Variants in RAB7A observed in about 807,000 individuals in gnomAD.
The protein encoded by RAB7A is ras-related protein Rab-7a.
A neutral mutation model predicts 24.5 loss-of-function variants in RAB7A; 2 were observed. The observed-to-expected ratio is 0.08, with a 90% confidence interval of 0.03 to 0.26. The LOEUF is 0.26. RAB7A is among the 10% of genes least tolerant of loss of function. The pLI is 1.00. For missense variants in RAB7A, 118 were observed against 255.7 expected (o/e 0.46, Z 3.67); for synonymous variants, 100 against 95.9 (o/e 1.04, Z -0.25).
At chr3:128,761,178 C>G (rs2070773498) in intron 1 of RAB7A, among the ~76,000 whole-genome samples, 2 of 152,212 alleles carry the variant, frequency 1.3e-5, no homozygotes, top group Non-Finnish European at 2.9e-5. Context: ...AAGATAATCT[C>G]TGTACCCAGT....
chr3:128,808,930 A>T (rs1933860432), intron 5 of RAB7A, among the ~76,000 whole-genome samples: 1 of 152,178 alleles, frequency 6.6e-6, no homozygotes, highest in Non-Finnish European at 1.5e-5. Flanking sequence ...CCAGAATGAA[A>T]GGGACAGATC....
intron 1 of RAB7A, among the ~76,000 whole-genome samples, chr3:128,727,373 C>T (rs976083934): frequency 6.6e-6 from 1 of 151,986 alleles, no homozygotes; most frequent in Non-Finnish European, 1.5e-5. Context: ...GGTTGTACTG[C>T]TTTCACGTAC....
Position 128,814,319 on chromosome 3 carries a change from T to A in RAB7A, c.*897T>A, listed in dbSNP as rs1340994065. 6.5e-6 allele frequency: 1 copy of A among 152,752 alleles called. No homozygotes were observed. The highest frequency in any genetic ancestry group is 1.5e-5 in the Non-Finnish European group (1 of 68,068). 9.5% of individuals were successfully genotyped at this position (152,752 alleles called of 1,614,324 possible). ...AAACTGTCTAGTTCCCTTCTGTGTC[T>A]AAATTTTCCAAAACGTTGATTTGCA... On this transcript the variant is annotated 3_prime_UTR_variant, in exon 6 of 6. Coordinates refer to ENST00000265062, the MANE Select transcript of RAB7A (RefSeq NM_004637.6).
chr3:128,796,218 A>C (rs1315009761), intron 2 of RAB7A, among the ~76,000 whole-genome samples: 4 of 152,046 alleles, frequency 2.6e-5, no homozygotes, highest in Non-Finnish European at 4.4e-5. Flanking sequence ...AGGTTGGGTG[A>C]GGTGGCTTAT....
At chr3:128,792,932 C>T (rs1289530444) in intron 1 of RAB7A, among the ~76,000 whole-genome samples, 2 of 152,214 alleles carry the variant, frequency 1.3e-5, no homozygotes, top group South Asian at 2.1e-4. Context: ...CTCACTGCAA[C>T]CTCCGCCTCC....
chr3:128,779,654 A>G, intron 1 of RAB7A, among the ~76,000 whole-genome samples: 1 of 152,138 alleles, frequency 6.6e-6, no homozygotes, highest in East Asian at 1.9e-4. Flanking sequence ...TACAGTGGCA[A>G]GATCATAGTT....
At chr3:128,801,821 A>G (rs1933705071) in intron 3 of RAB7A, among the ~76,000 whole-genome samples, 1 of 152,212 alleles carries the variant, frequency 6.6e-6, no homozygotes, top group Non-Finnish European at 1.5e-5. Flanking sequence ...AAGAAGCCCA[A>G]ATTCCAGGAA....
chr3:128,778,005 C>T (rs116654598), intron 1 of RAB7A, among the ~76,000 whole-genome samples: 1,867 of 152,178 alleles, frequency 0.012, 39 homozygotes, highest in African/African-American at 0.043. Flanking sequence ...TGAACCACCG[C>T]GCCTGGCCAA....
At chr3:128,773,365 G>A (rs1466589141) in intron 1 of RAB7A, among the ~76,000 whole-genome samples, 3 of 150,340 alleles carry the variant, frequency 2.0e-5, no homozygotes, top group Non-Finnish European at 1.5e-5. Context: ...CCCGGCAGCC[G>A]CCCCGTCTGA....
chr3:128,742,620 C>G (rs996333432), intron 1 of RAB7A, among the ~76,000 whole-genome samples: 1 of 151,346 alleles, frequency 6.6e-6, no homozygotes. Flanking sequence ...AGACACAGAG[C>G]ACTGATTGGT....
chr3:128,804,617 G>T (rs1933763755), intron 3 of RAB7A, among the ~76,000 whole-genome samples: 1 of 152,108 alleles, frequency 6.6e-6, no homozygotes, highest in African/African-American at 2.4e-5. Flanking sequence ...ATTAATTTTG[G>T]TAACTTTCTA....
At chr3:128,782,825 AG>A (rs768154709) in intron 1 of RAB7A, among the ~76,000 whole-genome samples, 3 of 152,202 alleles carry the variant, frequency 2.0e-5, no homozygotes, top group Non-Finnish European at 4.4e-5. Flanking sequence ...GTAAGAGTCC[AG>A]GTAACACTTA....
chr3:128,742,511 T>C (rs2070564822), intron 1 of RAB7A, among the ~76,000 whole-genome samples: 2 of 152,176 alleles, frequency 1.3e-5, no homozygotes, highest in Admixed American at 1.3e-4. Context: ...TGCTGATTGG[T>C]GTGTTTATAA....
intron 1 of RAB7A, among the ~76,000 whole-genome samples, chr3:128,746,363 C>T (rs779161733): frequency 6.6e-6 from 1 of 152,146 alleles, no homozygotes; most frequent in Non-Finnish European, 1.5e-5. Flanking sequence ...GCCTTGGACT[C>T]CTGGGTTCAA....
intron 1 of RAB7A, among the ~76,000 whole-genome samples, chr3:128,772,834 T>C (rs1397072554): frequency 2.6e-5 from 4 of 152,270 alleles, no homozygotes; most frequent in Non-Finnish European, 4.4e-5. Flanking sequence ...GCGAGTGATC[T>C]GCCAGCCTCG....
chr3:128,798,310 A>C, intron 3 of RAB7A: 1 of 452,010 alleles, frequency 2.2e-6, no homozygotes, highest in Non-Finnish European at 3.9e-6. Flanking sequence ...CTTAAAAAAA[A>C]ACTCAGATTT....
At chr3:128,776,447 A>G (rs375828565) in intron 1 of RAB7A, among the ~76,000 whole-genome samples, 2 of 151,982 alleles carry the variant, frequency 1.3e-5, no homozygotes, top group East Asian at 3.9e-4. Flanking sequence ...TACCACACCC[A>G]GCTACTGTAT....
chr3:128,739,933 G>A (rs1316639624), intron 1 of RAB7A, among the ~76,000 whole-genome samples: 3 of 152,182 alleles, frequency 2.0e-5, no homozygotes, highest in African/African-American at 2.4e-5. Context: ...GGGCATGGTG[G>A]CACATGCCTG....
At chr3:128,730,602 G>A (rs140689036) in intron 1 of RAB7A, among the ~76,000 whole-genome samples, 1,802 of 152,288 alleles carry the variant, frequency 0.012, 32 homozygotes, top group African/African-American at 0.039. Flanking sequence ...AAGTGATGTG[G>A]CGAGTGAAAT....
Sources: gnomAD v4.1 joint callset for allele counts (sites outside exome capture counted in the v4.1 genomes callset) on GRCh38, gnomAD v4.1.1 for gene constraint, MANE v1.5 for transcripts, NCBI Gene and HGNC (gene_info 2026-07-23, HGNC 2026-07-21) for gene names.